SND1: variants seen among roughly 807,000 people sequenced by gnomAD.
The protein encoded by SND1 is staphylococcal nuclease domain-containing protein 1.
Under a neutral mutation model 121.7 loss-of-function variants are expected in SND1, and 38 were observed. The observed-to-expected ratio is 0.31, with a 90% CI of 0.24 to 0.41. The LOEUF (loss-of-function observed/expected upper bound fraction) is 0.41, where lower values mean the gene tolerates loss of function less well. Among genes scored for constraint, SND1 ranks in the 10% least tolerant of loss-of-function variants. SND1 has a pLI of 1.00. For missense variants in SND1, 868 were observed against 1,184.6 expected (o/e 0.73, Z 3.92); for synonymous variants, 401 against 447.4 (o/e 0.90, Z 1.31).
intron 10 of SND1, among the ~76,000 whole-genome samples, chr7:127,780,430 T>C (rs1247961890): frequency 1.3e-5 from 2 of 152,202 alleles, no homozygotes; most frequent in East Asian, 3.8e-4. Context: ...TGTCATGGCC[T>C]TTTAAAGTAC....
At chr7:127,666,954 G>A (rs1198917064) in intron 1 of SND1, among the ~76,000 whole-genome samples, 1 of 152,126 alleles carries the variant, frequency 6.6e-6, no homozygotes, top group African/African-American at 2.4e-5. Flanking sequence ...GAGAATCCTA[G>A]GATGGTACCT....
intron 4 of SND1, 104 bp downstream of exon 4, chr7:127,699,057 C>A: frequency 1.2e-6 from 1 of 835,492 alleles, no homozygotes; most frequent in South Asian, 1.5e-5. Flanking sequence ...GCTTTCACAC[C>A]TTCGCGGACA....
chr7:128,080,151 T>A (rs1793572331), intron 17 of SND1, among the ~76,000 whole-genome samples: 1 of 152,236 alleles, frequency 6.6e-6, no homozygotes, highest in South Asian at 2.1e-4. Flanking sequence ...GCAAATACTT[T>A]TAATCATCCT....
At chr7:127,966,114 A>AT (rs1464842907) in intron 15 of SND1, among the ~76,000 whole-genome samples, 2 of 147,306 alleles carry the variant, frequency 1.4e-5, no homozygotes, top group Non-Finnish European at 3.0e-5. Context: ...CCCCTTTATC[A>AT]TTTTTTATTG....
In SND1 at chr7:127,759,875, T is replaced by G. The variant is rs140395530; in HGVS notation, c.1152+38475T>G. Among the ~76,000 whole-genome samples, 139 of 152,336 alleles carry G rather than the reference T, an allele frequency of 9.1e-4. 1 individual carries two copies. The highest frequency in any genetic ancestry group is 3.4e-3 in the Middle Eastern group (1 of 294). The stretch of plus-strand genomic sequence containing the variant: ...CTTCTGTTACCTTTAATGTATTTAC[T>G]GATTTTATCATTTCCCCTGTGTGTA... On this transcript the variant is annotated intron_variant, in intron 10 of 23. Coordinates refer to ENST00000354725, the MANE Select transcript of SND1 (RefSeq NM_014390.4).
At position 127,876,333 on chromosome 7, in the gene SND1, G is replaced by A. The variant is rs139152081; in HGVS notation, c.1344-11569G>A. Among the ~76,000 whole-genome samples, 137 of 152,294 alleles carry A rather than the reference G, an allele frequency of 9.0e-4. 1 individual carries two copies. Among genetic ancestry groups the A allele is most frequent in the Middle Eastern group, 3.4e-3 (1 of 294 alleles). On this transcript the variant is annotated intron_variant, in intron 12 of 23. Coordinates refer to ENST00000354725, the MANE Select transcript of SND1 (RefSeq NM_014390.4). ...TCAGCATCACCAGGAGACCAGGTATGGGAGGCTGTAATAGTCCCTGTGAGA... is the reference window on the plus strand; with the variant it reads ...TCAGCATCACCAGGAGACCAGGTATAGGAGGCTGTAATAGTCCCTGTGAGA...
intron 16 of SND1, among the ~76,000 whole-genome samples, chr7:128,064,248 T>C (rs577617951): frequency 3.9e-5 from 6 of 152,116 alleles, no homozygotes; most frequent in African/African-American, 1.4e-4. Context: ...CAGTAAGTAG[T>C]AGAGCAAGCG....
intron 11 of SND1, among the ~76,000 whole-genome samples, chr7:127,812,956 T>C (rs1023826564): frequency 1.1e-4 from 17 of 152,244 alleles, no homozygotes; most frequent in African/African-American, 4.1e-4. Flanking sequence ...CATATTAATT[T>C]GATTCATTCA....
intron 12 of SND1, among the ~76,000 whole-genome samples, chr7:127,876,043 C>A (rs1433102743): frequency 6.6e-6 from 1 of 152,074 alleles, no homozygotes; most frequent in Non-Finnish European, 1.5e-5. Flanking sequence ...AAATGTACAG[C>A]GTTTAGAATA....
intron 9 of SND1, among the ~76,000 whole-genome samples, chr7:127,719,846 G>A (rs143498158): frequency 6.6e-6 from 1 of 152,262 alleles, no homozygotes; most frequent in Admixed American, 6.5e-5. Flanking sequence ...CTTACAGATT[G>A]ATTCCAGCTG....
At chr7:128,069,368 A>T (rs1793369695) in intron 16 of SND1, among the ~76,000 whole-genome samples, 1 of 152,150 alleles carries the variant, frequency 6.6e-6, no homozygotes, top group African/African-American at 2.4e-5. Flanking sequence ...CAGTTTTGTT[A>T]CCTCATTCAG....
chr7:127,954,041 C>T (rs967701976), intron 15 of SND1, among the ~76,000 whole-genome samples: 1 of 152,194 alleles, frequency 6.6e-6, no homozygotes, highest in Non-Finnish European at 1.5e-5. Flanking sequence ...ATCTTACAAG[C>T]TCCTCGTGGG....
chr7:127,979,928 T>C (rs1399527763), intron 15 of SND1, among the ~76,000 whole-genome samples: 1 of 152,112 alleles, frequency 6.6e-6, no homozygotes, highest in Non-Finnish European at 1.5e-5. Context: ...CTTTAGAGTA[T>C]GGTAACTAAA....
Position 128,029,926 on chromosome 7 carries a change from G to A in SND1, c.1779+38870G>A. The A allele has an allele frequency of 1.2e-6, 2 of 1,613,214 alleles. No individual in the cohort carries two copies. The highest frequency in any genetic ancestry group is 1.1e-5 in the South Asian group (1 of 91,078). Reference sequence around the variant, plus strand: ...AGCTTCTTGAGGGAGCTCAGGCCATGGAAGGAGCCAGGCCTGATCTCAGGG... The same window carrying A: ...AGCTTCTTGAGGGAGCTCAGGCCATAGAAGGAGCCAGGCCTGATCTCAGGG... On this transcript the variant is annotated intron_variant, in intron 16 of 23. Coordinates refer to ENST00000354725, the MANE Select transcript of SND1 (RefSeq NM_014390.4). This position sits in a 1 kb window ranked among gnomAD's most constrained non-coding sequence, Gnocchi z 4.2.
intron 22 of SND1, chr7:128,089,931 C>T (rs1054678780): frequency 7.9e-6 from 4 of 504,572 alleles, no homozygotes; most frequent in Non-Finnish European, 1.4e-5. Flanking sequence ...GGAAAGCTTC[C>T]CTCCCCATGT....
chr7:127,963,522 C>G (rs1238810888), intron 15 of SND1, among the ~76,000 whole-genome samples: 3 of 102,294 alleles, frequency 2.9e-5, no homozygotes, highest in African/African-American at 4.0e-5. Context: ...TTTGTTCTTG[C>G]GATAGTTTAC....
intron 12 of SND1, among the ~76,000 whole-genome samples, chr7:127,883,549 T>C (rs572761085): frequency 2.0e-5 from 3 of 152,292 alleles, no homozygotes; most frequent in South Asian, 2.1e-4. Flanking sequence ...GCCGATCTAT[T>C]GTACCTCTCC....
chr7:128,021,941 C>T (rs1313156171), intron 16 of SND1, among the ~76,000 whole-genome samples: 4 of 152,016 alleles, frequency 2.6e-5, no homozygotes, highest in East Asian at 3.9e-4. Context: ...CAGTGGCTGA[C>T]GCCTGTAATC....
chr7:127,979,594 T>A (rs1255923135), intron 15 of SND1, among the ~76,000 whole-genome samples: 1 of 152,000 alleles, frequency 6.6e-6, no homozygotes, highest in Admixed American at 6.6e-5. Flanking sequence ...TGATAGAGGC[T>A]AGGAGGGGGT....
Sources: gnomAD v4.1 joint callset for allele counts (sites outside exome capture counted in the v4.1 genomes callset) on GRCh38, gnomAD v4.1.1 for gene constraint, Gnocchi (gnomAD v3.1) non-coding constraint, MANE v1.5 for transcripts, NCBI Gene and HGNC (gene_info 2026-07-23, HGNC 2026-07-21) for gene names.